TNIP3: variants seen among roughly 807,000 people sequenced by gnomAD.
The protein encoded by TNIP3 is TNFAIP3-interacting protein 3.
A neutral mutation model predicts 54.1 loss-of-function variants in TNIP3; 34 were observed. The observed-to-expected ratio is 0.63, with a 90% CI of 0.48 to 0.84. The LOEUF (loss-of-function observed/expected upper bound fraction) is 0.84, where lower values mean the gene tolerates loss of function less well. TNIP3 is among the 40% of genes least tolerant of loss of function. The pLI is 0.00. For missense variants in TNIP3, 366 were observed against 387.6 expected, an observed-to-expected ratio of 0.94 and a Z score of 0.47; for synonymous variants, 134 against 136.8, an observed-to-expected ratio of 0.98 and a Z score of 0.14.
intron 2 of TNIP3, among the ~76,000 whole-genome samples, chr4:121,201,030 G>A (rs1377670395): frequency 6.6e-6 from 1 of 152,196 alleles, no homozygotes; most frequent in Non-Finnish European, 1.5e-5. Context: ...GGGGAAGAGA[G>A]TAGGAGTTGA....
At chr4:121,163,120 AATTCATAAGTAAT>A (rs72030805) in intron 1 of TNIP3, among the ~76,000 whole-genome samples, 8,843 of 152,210 alleles carry the variant, frequency 0.058, 358 homozygotes, top group South Asian at 0.21. Flanking sequence ...TAGTTTTTGA[AATTCATAAGTAAT>A]ATTCAGTTAT....
intron 1 of TNIP3, 66 bp downstream of exon 1, chr4:121,163,994 A>G (rs1008134353): frequency 8.9e-5 from 141 of 1,579,340 alleles, no homozygotes; most frequent in Middle Eastern, 1.7e-4. Flanking sequence ...TAAGTGCACA[A>G]TTAACCACTA....
chr4:121,132,732 G>A lies in TNIP3; in HGVS notation c.947-70C>T, dbSNP rs569692652. The A allele has an allele frequency of 2.2e-5, 31 of 1,433,728 alleles. No homozygotes were observed. The African/African-American group carries it at 4.3e-4, about 20-fold the overall frequency. The allele number at this position is 1,433,728 out of a possible 1,614,324, so 88.8% of individuals were successfully genotyped here. A position where few individuals can be genotyped will look rare whatever the true frequency, so the allele number is the denominator to read the frequency against. ...TTCATTTCTCTTCTTCTGGCTTAAGGCTGACATAAAGTTCCAGGATGGCAA... is the reference window on the plus strand; with the variant it reads ...TTCATTTCTCTTCTTCTGGCTTAAGACTGACATAAAGTTCCAGGATGGCAA... On this transcript the variant is annotated intron_variant, in intron 10 of 10. Transcript: ENST00000057513.
intron 3 of TNIP3, among the ~76,000 whole-genome samples, chr4:121,170,672 T>C (rs1436710673): frequency 6.6e-6 from 1 of 152,082 alleles, no homozygotes; most frequent in Non-Finnish European, 1.5e-5. Flanking sequence ...AAGGCAGAAC[T>C]GTTGTCTTTA....
At position 121,216,199 on chromosome 4, in the gene TNIP3, A is replaced by G. The variant is rs1393277203; in HGVS notation, c.68+216T>C. ...AAAAATCAAATTATCTTCATAACCT[A>G]CCATGACTTTTGCCCTCTGGATAGC... is the stretch of plus-strand genomic sequence containing the variant. On this transcript the variant is annotated intron_variant, in intron 2 of 12. Transcript: ENST00000507879. Among the ~76,000 whole-genome samples the G allele has an allele frequency of 4.6e-5, 7 of 152,202 alleles. No individual in the cohort carries two copies. The East Asian group carries it at 1.2e-3, about 25-fold the overall frequency.
intron 3 of TNIP3, among the ~76,000 whole-genome samples, chr4:121,178,740 A>G (rs1351221228): frequency 6.6e-6 from 1 of 152,206 alleles, no homozygotes; most frequent in African/African-American, 2.4e-5. Context: ...TATAGGGATA[A>G]ATCGATGTAT....
At chr4:121,210,971 A>C (rs1459483018) in intron 2 of TNIP3, among the ~76,000 whole-genome samples, 3 of 152,238 alleles carry the variant, frequency 2.0e-5, no homozygotes, top group Admixed American at 2.0e-4. Flanking sequence ...TTTGGATCTT[A>C]AAATAAATAT....
intron 2 of TNIP3, chr4:121,182,880 G>T: frequency 7.3e-7 from 1 of 1,368,446 alleles, no homozygotes; most frequent in Non-Finnish European, 9.9e-7. Flanking sequence ...TGGATGACAT[G>T]GAGGTGTTAT....
chr4:121,151,467 G>C (rs1383130611), intron 5 of TNIP3, among the ~76,000 whole-genome samples: 1 of 152,096 alleles, frequency 6.6e-6, no homozygotes, highest in East Asian at 1.9e-4. Context: ...TTTTCAGGAA[G>C]TTGTAAGAGA....
At chr4:121,201,261 C>A (rs1725868950) in intron 2 of TNIP3, among the ~76,000 whole-genome samples, 1 of 152,116 alleles carries the variant, frequency 6.6e-6, no homozygotes, top group African/African-American at 2.4e-5. Context: ...GGAAGGACCA[C>A]AGGAGGGCTT....
intron 3 of TNIP3, among the ~76,000 whole-genome samples, chr4:121,175,120 C>T (rs1286877304): frequency 6.6e-6 from 1 of 152,184 alleles, no homozygotes; most frequent in African/African-American, 2.4e-5. Flanking sequence ...CAATATTTTG[C>T]TTCCTTAACA....
At chr4:121,202,306 A>G (rs1382587015) in intron 2 of TNIP3, among the ~76,000 whole-genome samples, 1 of 152,196 alleles carries the variant, frequency 6.6e-6, no homozygotes, top group Non-Finnish European at 1.5e-5. Context: ...AAAAACATAA[A>G]GTGGGGAAAG....
At chr4:121,210,544 TA>T (rs1726426166) in intron 2 of TNIP3, among the ~76,000 whole-genome samples, 2 of 152,204 alleles carry the variant, frequency 1.3e-5, no homozygotes, top group East Asian at 1.9e-4. Flanking sequence ...TGAGTTGCCA[TA>T]AGGAAACAGC....
At chr4:121,148,030 T>C (rs187262739) in intron 6 of TNIP3, among the ~76,000 whole-genome samples, 2 of 152,240 alleles carry the variant, frequency 1.3e-5, no homozygotes, top group Non-Finnish European at 2.9e-5. Flanking sequence ...TCCAGCCACA[T>C]TGACATTTTG....
At chr4:121,219,995 G>A (rs1442862560), upstream of TNIP3, among the ~76,000 whole-genome samples, 2 of 151,870 alleles carry the variant, frequency 1.3e-5, no homozygotes, top group Non-Finnish European at 2.9e-5. Flanking sequence ...GTCCTCATCA[G>A]GTACTAAACC....
At chr4:121,164,828 G>A (rs1349304886), upstream of TNIP3, among the ~76,000 whole-genome samples, 1 of 152,124 alleles carries the variant, frequency 6.6e-6, no homozygotes, top group Admixed American at 6.6e-5. Flanking sequence ...TCAAGTTTAA[G>A]TCTGTCTTTT....
At chr4:121,215,984 T>C (rs141797475) in intron 2 of TNIP3, among the ~76,000 whole-genome samples, 2 of 152,214 alleles carry the variant, frequency 1.3e-5, no homozygotes, top group East Asian at 3.9e-4. Flanking sequence ...TAAGGGATTT[T>C]TTTTCATAAG....
At chr4:121,227,299 T>G (rs749658706) in intron 1 of TNIP3, 15 of 1,194,094 alleles carry the variant, frequency 1.3e-5, no homozygotes, top group Non-Finnish European at 1.8e-5. Context: ...GAGAACTTTA[T>G]GCATTTTAAA....
intron 4 of TNIP3, among the ~76,000 whole-genome samples, chr4:121,155,768 C>T (rs1730047114): frequency 6.6e-6 from 1 of 152,074 alleles, no homozygotes; most frequent in African/African-American, 2.4e-5. Context: ...AAATAGGTAA[C>T]TTGACATGCA....
Sources: allele counts gnomAD v4.1 joint callset (sites outside exome capture counted in the v4.1 genomes callset), GRCh38; gene constraint gnomAD v4.1.1; transcripts MANE v1.5; gene names NCBI Gene and HGNC (gene_info 2026-07-23, HGNC 2026-07-21).